Variants in PLOD2 observed in about 807,000 individuals in gnomAD.
The protein encoded by PLOD2 is procollagen-lysine,2-oxoglutarate 5-dioxygenase 2.
PLOD2 carries 65 observed loss-of-function variants against 101.0 expected under a neutral mutation model. The ratio of observed to expected loss-of-function variants is 0.64; its 90% CI spans 0.53 to 0.79. The LOEUF (loss-of-function observed/expected upper bound fraction) is 0.79, where lower values mean the gene tolerates loss of function less well. Ranked by LOEUF, PLOD2 falls within the 30% of genes least tolerant of loss-of-function variation. The probability of loss-of-function intolerance (pLI) is 0.00; values close to 1 mark genes in which losing one functional copy is unlikely to be tolerated. For missense variants in PLOD2, 909 were observed against 914.6 expected (o/e 0.99, Z 0.08); for synonymous variants, 314 against 302.9 (o/e 1.04, Z -0.38).
chr3:146,128,042 G>A (rs796955987), intron 1 of PLOD2, among the ~76,000 whole-genome samples: 2 of 152,192 alleles, frequency 1.3e-5, no homozygotes, highest in African/African-American at 4.8e-5. Context: ...TCAAAAGAAA[G>A]ATAGAAAATT....
In PLOD2 at chr3:146,069,535, C is replaced by T. The variant is rs896018878; in HGVS notation, c.*1182G>A. 3 of 151,930 alleles carry T rather than the reference C, an allele frequency of 2.0e-5. No individual in the cohort carries two copies. The highest frequency in any genetic ancestry group is 1.9e-4 in the East Asian group (1 of 5,144). The allele number at this position is 151,930 out of a possible 1,614,324, so 9.4% of individuals were successfully genotyped here. On this transcript the variant is annotated 3_prime_UTR_variant, in exon 20 of 20. Transcript: ENST00000282903. Reference sequence around the variant, plus strand: ...TTAAGAATTTCTTTTCAAGTTTAACCTTTACATTAAAAACAGTAGCTACAA... The same window carrying T: ...TTAAGAATTTCTTTTCAAGTTTAACTTTTACATTAAAAACAGTAGCTACAA...
chr3:146,105,089 G>A (rs1937513578), intron 5 of PLOD2: 1 of 152,214 alleles, frequency 6.6e-6, no homozygotes, highest in African/African-American at 2.4e-5. Context: ...AGCAACAAAA[G>A]AGCTATCCCT....
chr3:146,146,819 C>A (rs1392126587), intron 1 of PLOD2, among the ~76,000 whole-genome samples: 4 of 152,206 alleles, frequency 2.6e-5, no homozygotes, highest in African/African-American at 9.6e-5. Flanking sequence ...TTCTTCCAGG[C>A]TTTCCAGTAA....
chr3:146,153,009 A>T (rs2032135619), intron 1 of PLOD2, among the ~76,000 whole-genome samples: 1 of 152,200 alleles, frequency 6.6e-6, no homozygotes, highest in Admixed American at 6.5e-5. Context: ...CAGGAATTCC[A>T]GAGGCCCTGG....
intron 8 of PLOD2, among the ~76,000 whole-genome samples, chr3:146,089,852 C>T (rs544606686): frequency 2.6e-5 from 4 of 151,480 alleles, no homozygotes; most frequent in East Asian, 3.9e-4. Context: ...TGAGATGATG[C>T]GTTTCATTTA....
intron 1 of PLOD2, among the ~76,000 whole-genome samples, chr3:146,158,052 T>A (rs2032385373): frequency 6.6e-6 from 1 of 152,156 alleles, no homozygotes; most frequent in South Asian, 2.1e-4. Context: ...TTCTGCCCAG[T>A]TTGGATCATA....
At chr3:146,125,715 C>G (rs2030524715) in intron 1 of PLOD2, among the ~76,000 whole-genome samples, 1 of 151,984 alleles carries the variant, frequency 6.6e-6, no homozygotes, top group African/African-American at 2.4e-5. Context: ...CGGCTGCACT[C>G]CAGCCTAGGT....
At chr3:146,101,369 T>C (rs1057223630) in intron 7 of PLOD2, among the ~76,000 whole-genome samples, 1 of 152,220 alleles carries the variant, frequency 6.6e-6, no homozygotes, top group East Asian at 1.9e-4. Context: ...TGTAAAATTT[T>C]TAAAATAAAT....
At chr3:146,117,421 A>G (rs1937962510) in intron 3 of PLOD2, among the ~76,000 whole-genome samples, 1 of 152,136 alleles carries the variant, frequency 6.6e-6, no homozygotes, top group African/African-American at 2.4e-5. Flanking sequence ...CAGGCCCTAG[A>G]TTACAATTTT....
At chr3:146,073,545 A>G (rs1936226700) in intron 15 of PLOD2, 193 bp from the exon 16 acceptor site, 2 of 293,314 alleles carry the variant, frequency 6.8e-6, no homozygotes, top group South Asian at 2.3e-4. Flanking sequence ...ATTCTATGAA[A>G]TACAAAATTT....
intron 14 of PLOD2, 61 bp from the exon 15 acceptor site, chr3:146,076,956 T>C: frequency 2.2e-6 from 3 of 1,354,020 alleles, no homozygotes; most frequent in Non-Finnish European, 3.1e-6. Flanking sequence ...AATTTAATCA[T>C]AGGAAAAATA....
At chr3:146,082,819 C>T (rs1936609716) in intron 11 of PLOD2, among the ~76,000 whole-genome samples, 1 of 152,034 alleles carries the variant, frequency 6.6e-6, no homozygotes, top group Non-Finnish European at 1.5e-5. Flanking sequence ...CGCTTGAACC[C>T]GGGAGGCGGA....
rs186772482 is a variant in PLOD2, at chr3:146,133,740, C to T, written c.110-9511G>A. Among the ~76,000 whole-genome samples, 147 of 152,058 alleles carry T rather than the reference C, an allele frequency of 9.7e-4. 1 individual carries two copies. The highest frequency in any genetic ancestry group is 1.7e-3 in the South Asian group (8 of 4,802). ...AACAGCAAAGAATGATCACACAGGG[C>T]GGGGAGGAGGTTCAATCAGAGTAAA... On this transcript the variant is annotated intron_variant, in intron 1 of 19. Coordinates refer to ENST00000282903, the MANE Select transcript of PLOD2 (RefSeq NM_182943.3).
intron 7 of PLOD2, among the ~76,000 whole-genome samples, chr3:146,098,003 A>G: frequency 6.6e-6 from 1 of 152,088 alleles, no homozygotes; most frequent in East Asian, 1.9e-4. Context: ...CTGAACAATG[A>G]GAACTCGTGG....
intron 8 of PLOD2, among the ~76,000 whole-genome samples, chr3:146,090,119 T>C (rs1936927578): frequency 6.6e-6 from 1 of 150,940 alleles, no homozygotes; most frequent in African/African-American, 2.4e-5. Context: ...ATATTTGTTA[T>C]GTATATTCAT....
chr3:146,157,982 A>G (rs1160041852), intron 1 of PLOD2, among the ~76,000 whole-genome samples: 1 of 152,226 alleles, frequency 6.6e-6, no homozygotes, highest in Non-Finnish European at 1.5e-5. Context: ...GTGGTACAAA[A>G]ATACTGGTCT....
intron 1 of PLOD2, among the ~76,000 whole-genome samples, chr3:146,125,994 T>C (rs1001499389): frequency 6.6e-6 from 1 of 152,186 alleles, no homozygotes; most frequent in African/African-American, 2.4e-5. Context: ...GTTTCAGTTT[T>C]TACTGGATGG....
intron 8 of PLOD2, among the ~76,000 whole-genome samples, chr3:146,088,967 A>G (rs1177648148): frequency 1.3e-5 from 2 of 151,662 alleles, no homozygotes; most frequent in Non-Finnish European, 3.0e-5. Context: ...TATTTATTAC[A>G]TGAATGTAAT....
chr3:146,083,673 C>A (rs771869629), intron 11 of PLOD2, among the ~76,000 whole-genome samples: 5 of 151,164 alleles, frequency 3.3e-5, no homozygotes, highest in Non-Finnish European at 5.9e-5. Context: ...GCTCCACCTC[C>A]TGGGTTCACA....
Sources: gnomAD v4.1 joint callset for allele counts (sites outside exome capture counted in the v4.1 genomes callset) on GRCh38, gnomAD v4.1.1 for gene constraint, MANE v1.5 for transcripts, NCBI Gene and HGNC (gene_info 2026-07-23, HGNC 2026-07-21) for gene names.